Variants in GALK2 observed in about 807,000 individuals in gnomAD.
The protein encoded by GALK2 is galactokinase 2, also known as N-acetylgalactosamine kinase.
GALK2 carries 36 observed loss-of-function variants against 52.4 expected under a neutral mutation model. That is an observed-to-expected ratio of 0.69 (90% CI 0.53 to 0.91). The LOEUF (loss-of-function observed/expected upper bound fraction) is 0.91. Among genes scored for constraint, GALK2 ranks in the 40% least tolerant of loss-of-function variants. The pLI, the probability that GALK2 is intolerant of heterozygous loss-of-function variation, is 0.00. For missense variants in GALK2, 579 were observed against 559.1 expected (o/e 1.04, Z -0.36); for synonymous variants, 176 against 199.1 (o/e 0.88, Z 0.98).
Position 49,201,253 on chromosome 15 carries a change from A to G in GALK2, c.142+3A>G. The G allele has an allele frequency of 6.4e-7, 1 of 1,556,130 alleles. No homozygotes were observed. The highest frequency in any genetic ancestry group is 8.8e-7 in the Non-Finnish European group (1 of 1,132,772). ...ACCAGGAAGAGTCAACATAATAGGT[A>G]TTTCAAAAGTTCCTTCTCTTAATTT... is the stretch of plus-strand genomic sequence containing the variant. On this transcript the variant is annotated splice_donor_region_variant and intron_variant, in intron 2 of 9. Coordinates refer to ENST00000560031, the MANE Select transcript of GALK2 (RefSeq NM_002044.4).
downstream of GALK2, among the ~76,000 whole-genome samples, chr15:49,333,131 A>G (rs1432573301): frequency 6.6e-6 from 1 of 152,088 alleles, no homozygotes; most frequent in Non-Finnish European, 1.5e-5. Context: ...TTTAGTTTAC[A>G]ATCTCCCCTC....
intron 1 of GALK2, chr15:49,195,096 C>T (rs1286142736): frequency 2.2e-6 from 1 of 452,788 alleles, no homozygotes; most frequent in Non-Finnish European, 4.4e-6. Context: ...TGGAGTCTCG[C>T]TCTGTCACCT....
In GALK2 at chr15:49,220,058, C is replaced by CTTTTT. The variant is rs34707025; in HGVS notation, c.266+2761_266+2765dup. Among the ~76,000 whole-genome samples the CTTTTT allele has an allele frequency of 8.8e-3, 820 of 92,688 alleles. 37 individuals are homozygous for CTTTTT. The highest frequency in any genetic ancestry group is 0.029 in the African/African-American group (702 of 24,256). The allele number at this position is 92,688 out of a possible 152,430, so 60.8% of individuals were successfully genotyped here. A position where few individuals can be genotyped will look rare whatever the true frequency, so the allele number is the denominator to read the frequency against. On this transcript the variant is annotated intron_variant, in intron 3 of 9. Transcript: ENST00000560031. ...TTTTGAGTTTCTTATAGATACAAGT[C>CTTTTT]TTTTTTTTTTTTTTTTTTTTGAGAC...
intron 5 of GALK2, among the ~76,000 whole-genome samples, chr15:49,258,359 A>T (rs1053317937): frequency 6.6e-6 from 1 of 152,024 alleles, no homozygotes; most frequent in African/African-American, 2.4e-5. Flanking sequence ...TTAAGGAAGT[A>T]AGGGAAGTTC....
At chr15:49,297,884 G>A (rs2034622099) in intron 8 of GALK2, among the ~76,000 whole-genome samples, 1 of 151,838 alleles carries the variant, frequency 6.6e-6, no homozygotes, top group South Asian at 2.1e-4. Context: ...TTTTCCTTAG[G>A]ATTGCTTTGG....
intron 1 of GALK2, among the ~76,000 whole-genome samples, chr15:49,163,253 T>A (rs1240740199): frequency 6.6e-6 from 1 of 152,250 alleles, no homozygotes; most frequent in East Asian, 1.9e-4. Context: ...TTGAACATTT[T>A]TTGTGTGCTT....
At chr15:49,192,685 C>G (rs1200891883) in intron 1 of GALK2, among the ~76,000 whole-genome samples, 1 of 151,496 alleles carries the variant, frequency 6.6e-6, no homozygotes, top group African/African-American at 2.4e-5. Context: ...GCCTGTTTAC[C>G]CAGAACCTCA....
At chr15:49,327,853 C>T in intron 9 of GALK2, 99 bp from the exon 10 acceptor site, 1 of 1,150,640 alleles carries the variant, frequency 8.7e-7, no homozygotes, top group Non-Finnish European at 1.2e-6. Context: ...CATGTATTTT[C>T]TTCTTAGAAC....
At chr15:49,178,198 T>TAC (rs1374983058) in intron 1 of GALK2, among the ~76,000 whole-genome samples, 4 of 93,336 alleles carry the variant, frequency 4.3e-5, no homozygotes, top group African/African-American at 1.7e-4. Context: ...AGAAATACTA[T>TAC]ATATATATAT....
At chr15:49,192,506 T>TATATAC (rs1397807915) in intron 1 of GALK2, among the ~76,000 whole-genome samples, 2 of 138,600 alleles carry the variant, frequency 1.4e-5, no homozygotes, top group African/African-American at 5.4e-5. Context: ...TATATATATA[T>TATATAC]ATATATATAT....
chr15:49,211,999 T>G (rs777141439), intron 2 of GALK2, among the ~76,000 whole-genome samples: 1 of 152,220 alleles, frequency 6.6e-6, no homozygotes, highest in Non-Finnish European at 1.5e-5. Context: ...TTGCTCATAA[T>G]AGTCTCTAAT....
chr15:49,204,273 TTTC>T (rs149303193), intron 2 of GALK2, among the ~76,000 whole-genome samples: 47 of 151,810 alleles, frequency 3.1e-4, no homozygotes, highest in Non-Finnish European at 5.7e-4. Context: ...CAGCTTTTCT[TTTC>T]TTCTTCTTCT....
intron 2 of GALK2, among the ~76,000 whole-genome samples, chr15:49,210,086 T>A (rs1566939670): frequency 1.3e-5 from 2 of 152,226 alleles, no homozygotes; most frequent in Non-Finnish European, 2.9e-5. Flanking sequence ...CAGGAACTTA[T>A]GCATGTCCTT....
At chr15:49,217,164 T>A (rs201621304) in intron 2 of GALK2, 26 bp from the exon 3 acceptor site, 4 of 1,594,344 alleles carry the variant, frequency 2.5e-6, no homozygotes, top group Non-Finnish European at 3.4e-6. Flanking sequence ...TTAGCAATGA[T>A]TAAAAAAGCT....
intron 5 of GALK2, among the ~76,000 whole-genome samples, chr15:49,245,722 C>T (rs568263394): frequency 7.2e-5 from 11 of 152,142 alleles, no homozygotes; most frequent in East Asian, 3.9e-4. Context: ...AATTATTCAG[C>T]GAGGGCCTAT....
intron 5 of GALK2, among the ~76,000 whole-genome samples, chr15:49,262,724 C>T (rs931387295): frequency 3.4e-5 from 5 of 145,376 alleles, no homozygotes; most frequent in African/African-American, 1.3e-4. Context: ...AAATTTCCCT[C>T]TACACACTGC....
chr15:49,179,992 G>C (rs2085836660), intron 1 of GALK2, among the ~76,000 whole-genome samples: 1 of 152,004 alleles, frequency 6.6e-6, no homozygotes, highest in African/African-American at 2.4e-5. Context: ...TGCCTTCCTT[G>C]TTTCCTTTTA....
At chr15:49,334,136 C>A, downstream of GALK2, 1 of 407,186 alleles carries the variant, frequency 2.5e-6, no homozygotes, top group Non-Finnish European at 3.3e-6. Flanking sequence ...AACTAGAAAA[C>A]TTTTGCAGTT....
chr15:49,312,376 T>A (rs1265044129), intron 8 of GALK2, among the ~76,000 whole-genome samples: 1 of 152,212 alleles, frequency 6.6e-6, no homozygotes, highest in East Asian at 1.9e-4. Flanking sequence ...GTCAGATGCT[T>A]GTTTCCTCTC....
Sources: gnomAD v4.1 joint callset for allele counts (sites outside exome capture counted in the v4.1 genomes callset) on GRCh38, gnomAD v4.1.1 for gene constraint, MANE v1.5 for transcripts, NCBI Gene and HGNC (gene_info 2026-07-23, HGNC 2026-07-21) for gene names.